Variants in NTNG2 observed in about 807,000 individuals in gnomAD.
The protein encoded by NTNG2 is netrin-G2.
NTNG2 carries 15 observed loss-of-function variants against 47.6 expected under a neutral mutation model. The observed-to-expected ratio is 0.32, with a 90% CI of 0.21 to 0.49. The LOEUF is 0.49. NTNG2 is among the 20% of genes least tolerant of loss of function. NTNG2 has a pLI of 0.99. For synonymous variants in NTNG2, 307 were observed against 324.6 expected (o/e 0.95, Z 0.58); for missense variants, 578 against 764.6 (o/e 0.76, Z 2.88).
intron 3 of NTNG2, among the ~76,000 whole-genome samples, chr9:132,200,732 T>C (rs1394354218): frequency 6.6e-6 from 1 of 151,932 alleles, no homozygotes; most frequent in Non-Finnish European, 1.5e-5. Context: ...CAGATGGGAG[T>C]GAAGCAGGTG....
intron 2 of NTNG2, among the ~76,000 whole-genome samples, chr9:132,185,398 TC>T (rs1837285787): frequency 6.6e-6 from 1 of 152,126 alleles, no homozygotes; most frequent in Non-Finnish European, 1.5e-5. Flanking sequence ...GGGGGGCCTG[TC>T]CCTCACCCCA....
At chr9:132,183,029 G>A (rs1837070195) in intron 2 of NTNG2, among the ~76,000 whole-genome samples, 1 of 152,226 alleles carries the variant, frequency 6.6e-6, no homozygotes, top group Admixed American at 6.5e-5. Context: ...CTGCCCTGGA[G>A]CCCTTCCAGC....
At chr9:132,188,256 C>T (rs1299499213) in intron 2 of NTNG2, among the ~76,000 whole-genome samples, 2 of 152,240 alleles carry the variant, frequency 1.3e-5, no homozygotes, top group East Asian at 1.9e-4. Context: ...AGCAGCCTCC[C>T]GTCCTGGTGA....
chr9:132,213,727 C>G (rs1462319824), intron 3 of NTNG2, among the ~76,000 whole-genome samples: 1 of 152,212 alleles, frequency 6.6e-6, no homozygotes, highest in African/African-American at 2.4e-5. Flanking sequence ...ACTCTTCACC[C>G]AAAGATAAAT....
At chr9:132,195,891 C>T (rs371052187) in intron 2 of NTNG2, among the ~76,000 whole-genome samples, 76 of 152,206 alleles carry the variant, frequency 5.0e-4, no homozygotes, top group East Asian at 3.5e-3. Flanking sequence ...TTCTGCCCCC[C>T]GAGTAGCTGG....
chr9:132,241,412 T>A (rs1324098640), intron 7 of NTNG2: 1 of 338,076 alleles, frequency 3.0e-6, no homozygotes, highest in Non-Finnish European at 5.4e-6. Flanking sequence ...GAGGGGCGGG[T>A]CCAAGAGCTC....
In NTNG2 at chr9:132,243,158, A is replaced by C. The variant is rs143121890; in HGVS notation, c.*1047A>C. ...AGGGAAATGACTCAGGGAGAATCCT[A>C]GCAGAGGTTGAATCCAATGCTCTGA... On this transcript the variant is annotated 3_prime_UTR_variant, in exon 8 of 8. Transcript: ENST00000393229. The C allele has an allele frequency of 6.6e-6, 1 of 152,244 alleles. No individual in the cohort carries two copies. Among genetic ancestry groups the C allele is most frequent in the East Asian group, 1.9e-4 (1 of 5,178 alleles). The allele number at this position is 152,244 out of a possible 1,614,324, so 9.4% of individuals were successfully genotyped here.
intron 2 of NTNG2, among the ~76,000 whole-genome samples, chr9:132,174,021 T>TGGAC (rs1564384380): frequency 9.9e-6 from 1 of 101,176 alleles, no homozygotes; most frequent in African/African-American, 4.1e-5. Context: ...GACGGACGGA[T>TGGAC]GGACGGACAG....
chr9:132,163,381 G>A lies in NTNG2; in HGVS notation c.-484+1142G>A, dbSNP rs1328197979. ...CAGGGCTCCCGCGGGCGGGGACCCA[G>A]GGGCCGGATAAAGGGCCCGCTCCGG... On this transcript the variant is annotated intron_variant, in intron 1 of 7. Coordinates refer to ENST00000393229, the MANE Select transcript of NTNG2 (RefSeq NM_032536.4). The surrounding 1 kb of genome is among the most constrained non-coding windows in gnomAD (Gnocchi z 7.2). Among the ~76,000 whole-genome samples, 8 of 151,480 alleles carry A rather than the reference G, an allele frequency of 5.3e-5. No homozygotes were observed. The highest frequency in any genetic ancestry group is 4.2e-4 in the South Asian group (2 of 4,804).
chr9:132,228,118 G>A (rs1462001713), intron 4 of NTNG2, among the ~76,000 whole-genome samples: 1 of 152,234 alleles, frequency 6.6e-6, no homozygotes, highest in African/African-American at 2.4e-5. Flanking sequence ...GCAGCTACTG[G>A]ATCTGATGCT....
intron 2 of NTNG2, among the ~76,000 whole-genome samples, chr9:132,170,039 G>GGGT (rs1450292510): frequency 3.9e-5 from 6 of 152,190 alleles, no homozygotes; most frequent in Non-Finnish European, 1.5e-5. Flanking sequence ...CATCGCCCAT[G>GGGT]GGTCCTTGCT....
At position 132,236,623 on chromosome 9, in the gene NTNG2, C is replaced by T. The variant is rs1841648325; in HGVS notation, c.1055-2481C>T. 6.6e-6 allele frequency among the ~76,000 whole-genome samples: 1 copy of T among 152,188 alleles called. No homozygotes were observed. Among genetic ancestry groups the T allele is most frequent in the Admixed American group, 6.5e-5 (1 of 15,282 alleles). On this transcript the variant is annotated intron_variant, in intron 5 of 7. Transcript: ENST00000393229. The surrounding 1 kb of genome is among the most constrained non-coding windows in gnomAD (Gnocchi z 4.3). ...TTTAGAGAGGGTCTGAGGCTCGGTT[C>T]CTAGAAACCTGGAGGACCTGGGCCT...
At position 132,166,798 on chromosome 9, in the gene NTNG2, T is replaced by G. The variant is rs1405793557; in HGVS notation, c.-34T>G. ...GACCCCGTCGCTGCCTCTCCAGGGC[T>G]TCTCTGGGCCGCGCCTCTGCAGACT... is the stretch of plus-strand genomic sequence containing the variant. On this transcript the variant is annotated 5_prime_UTR_variant, in exon 2 of 8. Transcript: ENST00000393229. The G allele has an allele frequency of 8.7e-6, 14 of 1,606,994 alleles. 1 individual carries two copies. In the Admixed American group the frequency reaches 2.3e-4, roughly 27 times the overall value.
chr9:132,205,882 A>G (rs567800113), intron 3 of NTNG2, among the ~76,000 whole-genome samples: 1 of 152,298 alleles, frequency 6.6e-6, no homozygotes, highest in South Asian at 2.1e-4. Context: ...CTCCATCTCA[A>G]AAGAAAAAAA....
chr9:132,202,523 G>T (rs900889887), intron 3 of NTNG2, among the ~76,000 whole-genome samples: 8 of 152,248 alleles, frequency 5.3e-5, no homozygotes, highest in Admixed American at 1.3e-4. Context: ...AGGCAGGCAG[G>T]GGGTGGGAGC....
intron 2 of NTNG2, among the ~76,000 whole-genome samples, chr9:132,174,108 C>T (rs12352286): frequency 0.032 from 3,976 of 122,504 alleles, 231 homozygotes; most frequent in African/African-American, 0.12. Context: ...CACCATGCTG[C>T]GGATGAGATG....
At chr9:132,202,968 G>A (rs1289818564) in intron 3 of NTNG2, among the ~76,000 whole-genome samples, 1 of 152,148 alleles carries the variant, frequency 6.6e-6, no homozygotes, top group Non-Finnish European at 1.5e-5. Flanking sequence ...CCTGTTGTGA[G>A]GAGTCGATGA....
At chr9:132,212,687 T>C (rs1373400713) in intron 3 of NTNG2, among the ~76,000 whole-genome samples, 1 of 152,146 alleles carries the variant, frequency 6.6e-6, no homozygotes, top group Non-Finnish European at 1.5e-5. Context: ...TCCCAAGTTC[T>C]CCAGCATCCA....
At chr9:132,185,572 A>G (rs1217553039) in intron 2 of NTNG2, among the ~76,000 whole-genome samples, 2 of 151,494 alleles carry the variant, frequency 1.3e-5, no homozygotes, top group Admixed American at 1.3e-4. Flanking sequence ...AGCATTTTCT[A>G]AGTCCTGAAT....
Sources: gnomAD v4.1 joint callset for allele counts (sites outside exome capture counted in the v4.1 genomes callset) on GRCh38, gnomAD v4.1.1 for gene constraint, Gnocchi (gnomAD v3.1) non-coding constraint, MANE v1.5 for transcripts, NCBI Gene and HGNC (gene_info 2026-07-23, HGNC 2026-07-21) for gene names.